Variants in RBFOX1 observed in about 807,000 individuals in gnomAD.
RBFOX1 encodes RNA binding fox-1 homolog 1.
RBFOX1 carries 8 observed loss-of-function variants against 57.7 expected under a neutral mutation model. The observed-to-expected ratio is 0.14, with a 90% CI of 0.08 to 0.25. The LOEUF is 0.25. Ranked by LOEUF, RBFOX1 falls within the 10% of genes least tolerant of loss-of-function variation. RBFOX1 has a pLI of 1.00. For missense variants in RBFOX1, 611 were observed against 548.5 expected (o/e 1.11, Z -1.14); for synonymous variants, 326 against 222.4 (o/e 1.47, Z -4.15).
chr16:7,062,068 A>C (rs2054476737), intron 4 of RBFOX1, among the ~76,000 whole-genome samples: 5 of 152,116 alleles, frequency 3.3e-5, no homozygotes, highest in Admixed American at 3.3e-4. Flanking sequence ...CTGTAATCCC[A>C]GCACTTTGGG....
At chr16:7,109,994 C>G (rs377177037) in intron 4 of RBFOX1, among the ~76,000 whole-genome samples, 1 of 151,986 alleles carries the variant, frequency 6.6e-6, no homozygotes, top group South Asian at 2.1e-4. Context: ...ACAAACAAGC[C>G]TGATTATCTT....
At chr16:6,895,569 A>G (rs1032117600) in intron 3 of RBFOX1, among the ~76,000 whole-genome samples, 5 of 150,436 alleles carry the variant, frequency 3.3e-5, no homozygotes, top group African/African-American at 1.2e-4. Flanking sequence ...GAGAGGAAGG[A>G]TCTATGTTCA....
chr16:5,975,200 C>T (rs899337119), intron 4 of RBFOX1, among the ~76,000 whole-genome samples: 2 of 152,136 alleles, frequency 1.3e-5, no homozygotes, highest in Non-Finnish European at 2.9e-5. Flanking sequence ...TCCTCTTTCT[C>T]GATGCCGGCT....
chr16:7,134,789 AGTTAAT>A (rs1361424481), intron 4 of RBFOX1, among the ~76,000 whole-genome samples: 36 of 152,290 alleles, frequency 2.4e-4, no homozygotes, highest in African/African-American at 8.2e-4. Context: ...CAGGCTTCTG[AGTTAAT>A]GTTAAAGGAG....
chr16:6,097,408 A>T lies in RBFOX1; in HGVS notation c.-127+77416A>T, dbSNP rs2096258391. Reference sequence around the variant, plus strand: ...CCACTCAAACCATGGTCTGCAGACTACCAGCATTAGCAAGGCCTGGGAGTT... The same window carrying T: ...CCACTCAAACCATGGTCTGCAGACTTCCAGCATTAGCAAGGCCTGGGAGTT... On this transcript the variant is annotated intron_variant, in intron 1 of 15. Coordinates refer to ENST00000550418, the MANE Select transcript of RBFOX1 (RefSeq NM_018723.4). The surrounding 1 kb of genome is among the most constrained non-coding windows in gnomAD (Gnocchi z 5.0). Among the ~76,000 whole-genome samples, 1 of 152,260 alleles carries T rather than the reference A, an allele frequency of 6.6e-6. No homozygotes were observed. The highest frequency in any genetic ancestry group is 2.4e-5 in the African/African-American group (1 of 41,550).
chr16:5,313,924 C>A (rs1424202508), intron 1 of RBFOX1, among the ~76,000 whole-genome samples: 1 of 152,140 alleles, frequency 6.6e-6, no homozygotes. Context: ...ATAGCCTGAG[C>A]TCCCATGAAA....
chr16:7,363,815 C>A (rs985946133), intron 4 of RBFOX1, among the ~76,000 whole-genome samples: 2 of 152,184 alleles, frequency 1.3e-5, no homozygotes, highest in Middle Eastern at 3.4e-3. Flanking sequence ...TGCCCAGAAT[C>A]TCCCGTCAGT....
intron 1 of RBFOX1, among the ~76,000 whole-genome samples, chr16:5,360,905 A>G (rs1036376697): frequency 6.6e-6 from 1 of 152,144 alleles, no homozygotes; most frequent in Non-Finnish European, 1.5e-5. Flanking sequence ...CAAGCACATC[A>G]AGAGGGAGAT....
intron 1 of RBFOX1, among the ~76,000 whole-genome samples, chr16:6,298,553 T>G (rs2152737948): frequency 6.6e-6 from 1 of 152,326 alleles, no homozygotes; most frequent in East Asian, 1.9e-4. Flanking sequence ...AACGCAGCTG[T>G]AAAGTGCCTG....
chr16:5,921,358 A>G (rs12595992), intron 4 of RBFOX1, among the ~76,000 whole-genome samples: 31,932 of 152,044 alleles, frequency 0.21, 3,639 homozygotes, highest in East Asian at 0.31. Flanking sequence ...CAATTTTTGT[A>G]TAAATTACTT....
intron 3 of RBFOX1, among the ~76,000 whole-genome samples, chr16:6,878,003 T>C (rs1416647642): frequency 6.6e-6 from 1 of 152,036 alleles, no homozygotes; most frequent in African/African-American, 2.4e-5. Context: ...CTTAAGCATA[T>C]AGGAGGAATT....
chr16:7,263,846 G>C (rs1049032736), intron 4 of RBFOX1, among the ~76,000 whole-genome samples: 2 of 151,256 alleles, frequency 1.3e-5, no homozygotes, highest in African/African-American at 4.9e-5. Context: ...GTTGTGGTGA[G>C]CTGAGATTGC....
intron 1 of RBFOX1, among the ~76,000 whole-genome samples, chr16:6,088,434 A>G (rs899348358): frequency 6.6e-6 from 1 of 152,186 alleles, no homozygotes; most frequent in African/African-American, 2.4e-5. Flanking sequence ...ATTTTTCCAA[A>G]GATGAATAAA....
rs544493057 is a variant in RBFOX1 at position 5,348,904 on chromosome 16, C to G, written c.219+108799C>G. 2.0e-5 allele frequency among the ~76,000 whole-genome samples: 3 copies of G among 152,278 alleles called. No individual in the cohort carries two copies. The South Asian group carries it at 6.2e-4, about 32-fold the overall frequency. ...GGGCATGCAGGCATCTCTCTGAGAT[C>G]CTAATTTCGTTTCTTTTGGATATAT... On this transcript the variant is annotated intron_variant, in intron 1 of 2. Transcript: ENST00000585867.
chr16:5,356,110 C>A lies in RBFOX1; in HGVS notation c.220-111106C>A, dbSNP rs138389402. On this transcript the variant is annotated intron_variant, in intron 1 of 2. Transcript: ENST00000585867. Reference sequence around the variant, plus strand: ...ATTCTCAAGTAAAAATAAAGGAAGACGTGAGGCATAGACAGGCACAGAGGG... The same window carrying A: ...ATTCTCAAGTAAAAATAAAGGAAGAAGTGAGGCATAGACAGGCACAGAGGG... 4.9e-3 allele frequency among the ~76,000 whole-genome samples: 753 copies of A among 152,188 alleles called. 7 individuals carry two copies. Among genetic ancestry groups the A allele is most frequent in the African/African-American group, 0.017 (705 of 41,534 alleles).
intron 3 of RBFOX1, among the ~76,000 whole-genome samples, chr16:5,730,368 A>G (rs1415619179): frequency 6.6e-6 from 1 of 152,178 alleles, no homozygotes; most frequent in African/African-American, 2.4e-5. Flanking sequence ...ATGAGCCTAG[A>G]GTGGAGCCGG....
chr16:5,874,736 G>A (rs1050310361), intron 4 of RBFOX1, among the ~76,000 whole-genome samples: 6 of 152,064 alleles, frequency 3.9e-5, no homozygotes, highest in African/African-American at 1.4e-4. Context: ...CTTGAACCAG[G>A]AGTTTGAGAC....
intron 4 of RBFOX1, among the ~76,000 whole-genome samples, chr16:7,287,729 A>C (rs760802475): frequency 6.6e-6 from 1 of 152,150 alleles, no homozygotes; most frequent in Admixed American, 6.5e-5. Context: ...GAAAATATCT[A>C]TGTAGATCTA....
intron 1 of RBFOX1, among the ~76,000 whole-genome samples, chr16:5,334,841 T>C (rs1487860697): frequency 6.6e-6 from 1 of 151,642 alleles, no homozygotes; most frequent in African/African-American, 2.4e-5. Flanking sequence ...TCTTTAAGCA[T>C]GGACACATCC....
Sources: allele counts gnomAD v4.1 joint callset (sites outside exome capture counted in the v4.1 genomes callset), GRCh38; gene constraint gnomAD v4.1.1; non-coding constraint Gnocchi (gnomAD v3.1); transcripts MANE v1.5; gene names NCBI Gene and HGNC (gene_info 2026-07-23, HGNC 2026-07-21).